The following SPAG17 variants were observed in gnomAD, a reference collection of about 807,000 sequenced individuals.
SPAG17 encodes the protein sperm-associated antigen 17.
A neutral mutation model predicts 273.6 loss-of-function variants in SPAG17; 169 were observed. The ratio of observed to expected loss-of-function variants is 0.62; its 90% CI spans 0.55 to 0.70. The LOEUF is 0.70. SPAG17 is among the 30% of genes least tolerant of loss of function. The pLI is 0.00. For missense variants in SPAG17, 2,557 were observed against 2,627.8 expected, an observed-to-expected ratio of 0.97 and a Z score of 0.59; for synonymous variants, 825 against 873.2, an observed-to-expected ratio of 0.94 and a Z score of 0.97.
chr1:117,959,522 G>A, intron 48 of SPAG17: 4 of 1,407,268 alleles, frequency 2.8e-6, no homozygotes, highest in Non-Finnish European at 3.8e-6. Context: ...AGAAGAGTTG[G>A]CGTCATCTTA....
intron 20 of SPAG17, among the ~76,000 whole-genome samples, chr1:118,051,317 A>C (rs1650978394): frequency 6.6e-6 from 1 of 152,172 alleles, no homozygotes; most frequent in African/African-American, 2.4e-5. Flanking sequence ...TACAGCCACT[A>C]TTGAAAGCAG....
intron 48 of SPAG17, among the ~76,000 whole-genome samples, chr1:117,956,159 T>C (rs74809852): frequency 0.026 from 3,886 of 152,264 alleles, 161 homozygotes; most frequent in African/African-American, 0.087. Context: ...CTCTTTTTGC[T>C]CTTAAGTATT....
At position 118,026,359 on chromosome 1, in the gene SPAG17, T is replaced by A. The variant is rs147165067; in HGVS notation, c.3731-943A>T. Among the ~76,000 whole-genome samples, 1,350 of 152,274 alleles carry A rather than the reference T, an allele frequency of 8.9e-3. 9 individuals are homozygous for A. The highest frequency in any genetic ancestry group is 0.02 in the Middle Eastern group (6 of 294). ...TGCTAACTGAATAAATTCCTCTTAA[T>A]TTATAATGTGGTTTATTGGGGCCAA... On this transcript the variant is annotated intron_variant, in intron 26 of 48. Coordinates refer to ENST00000336338, the MANE Select transcript of SPAG17 (RefSeq NM_206996.4).
intron 3 of SPAG17, among the ~76,000 whole-genome samples, chr1:118,120,361 T>A (rs1197193619): frequency 6.6e-6 from 1 of 152,180 alleles, no homozygotes; most frequent in Non-Finnish European, 1.5e-5. Flanking sequence ...AAGTGGCTAG[T>A]GGCTACTGTT....
At chr1:118,042,177 G>A (rs1260015236) in intron 20 of SPAG17, 135 bp from the exon 21 acceptor site, 11 of 1,038,274 alleles carry the variant, frequency 1.1e-5, no homozygotes, top group Non-Finnish European at 1.4e-5. Context: ...TGAACTAGAA[G>A]CCTTGACGTC....
chr1:117,976,133 G>C (rs560105023), intron 43 of SPAG17, among the ~76,000 whole-genome samples: 1 of 152,128 alleles, frequency 6.6e-6, no homozygotes, highest in Non-Finnish European at 1.5e-5. Flanking sequence ...TCTTAGCTCT[G>C]CTCTATACTA....
At chr1:118,147,311 G>A (rs1488041148) in intron 3 of SPAG17, among the ~76,000 whole-genome samples, 1 of 152,096 alleles carries the variant, frequency 6.6e-6, no homozygotes, top group East Asian at 1.9e-4. Context: ...TATAATGCAG[G>A]CAATAAGCGT....
intron 45 of SPAG17, among the ~76,000 whole-genome samples, chr1:117,971,567 C>T (rs993203082): frequency 6.6e-6 from 1 of 152,166 alleles, no homozygotes; most frequent in Non-Finnish European, 1.5e-5. Context: ...TGTACAACCT[C>T]CCCCTTTTTT....
chr1:117,991,383 T>C (rs1657053724), intron 37 of SPAG17, 32 bp downstream of exon 37: 1 of 1,266,938 alleles, frequency 7.9e-7, no homozygotes, highest in East Asian at 2.5e-5. Flanking sequence ...GAAACAATAG[T>C]AAGAACATGG....
chr1:117,977,680 T>C (rs1388746396), intron 43 of SPAG17, among the ~76,000 whole-genome samples: 1 of 152,222 alleles, frequency 6.6e-6, no homozygotes, highest in Non-Finnish European at 1.5e-5. Flanking sequence ...TGGAGTCATA[T>C]TATTGTCCCT....
In SPAG17 at chr1:118,099,781, A is replaced by T; in HGVS notation, c.654T>A (p.Gly218=). ...CCACAACTATAATGTAATGTTGGGC[A>T]CCATCATCTGGCTCATCGTCTGTTC... The part of the protein sequence containing the change: ...NRYIDDEPDD[G]AQHYIIVVGF... The change falls in exon 6 of 49, where the codon GGT becomes GGA. Residue 218 remains glycine, a synonymous_variant. Coordinates refer to ENST00000336338, the MANE Select transcript of SPAG17 (RefSeq NM_206996.4). 1 of 1,612,556 alleles carries T rather than the reference A, an allele frequency of 6.2e-7. No homozygotes were observed. Among genetic ancestry groups the T allele is most frequent in the Non-Finnish European group, 8.5e-7 (1 of 1,179,820 alleles).
intron 17 of SPAG17, among the ~76,000 whole-genome samples, chr1:118,073,593 T>C (rs1184300919): frequency 6.6e-6 from 1 of 152,226 alleles, no homozygotes; most frequent in Admixed American, 6.5e-5. Flanking sequence ...AATATATATA[T>C]GCAGCAGTCT....
At chr1:118,145,759 A>G (rs1484163781) in intron 3 of SPAG17, among the ~76,000 whole-genome samples, 1 of 152,180 alleles carries the variant, frequency 6.6e-6, no homozygotes, top group Admixed American at 6.5e-5. Flanking sequence ...AAATTGCACC[A>G]TATCACATAA....
intron 1 of SPAG17, among the ~76,000 whole-genome samples, chr1:118,173,742 G>A (rs1390196921): frequency 1.3e-5 from 2 of 151,820 alleles, no homozygotes; most frequent in Non-Finnish European, 2.9e-5. Context: ...TATACCTGTG[G>A]TCCCAGCTAC....
chr1:118,136,190 A>G (rs1658343874), intron 3 of SPAG17, among the ~76,000 whole-genome samples: 1 of 152,212 alleles, frequency 6.6e-6, no homozygotes, highest in Non-Finnish European at 1.5e-5. Context: ...TCCAGCAAAG[A>G]GCATTGCCTG....
intron 3 of SPAG17, among the ~76,000 whole-genome samples, chr1:118,150,078 C>G (rs1207206187): frequency 6.6e-6 from 1 of 152,156 alleles, no homozygotes; most frequent in Admixed American, 6.6e-5. Flanking sequence ...GCACCAAGTT[C>G]ACAAACTGAT....
intron 32 of SPAG17, 126 bp from the exon 33 acceptor site, chr1:117,996,869 C>A (rs1657717781): frequency 1.0e-6 from 1 of 971,780 alleles, no homozygotes; most frequent in Non-Finnish European, 1.5e-6. Context: ...TGTTTATTTG[C>A]AAGGTATTGT....
chr1:117,981,555 C>G (rs1459027221), intron 42 of SPAG17, among the ~76,000 whole-genome samples, 154 bp from the exon 43 acceptor site: 1 of 152,122 alleles, frequency 6.6e-6, no homozygotes. Flanking sequence ...TATAAGAAAG[C>G]CATTAAGAGG....
intron 17 of SPAG17, among the ~76,000 whole-genome samples, chr1:118,071,893 G>C (rs111521853): frequency 1.3e-5 from 2 of 152,106 alleles, no homozygotes; most frequent in Non-Finnish European, 2.9e-5. Context: ...AGAAAATGGA[G>C]AGGAGAGATT....
Sources: gnomAD v4.1 joint callset for allele counts (sites outside exome capture counted in the v4.1 genomes callset) on GRCh38, gnomAD v4.1.1 for gene constraint, MANE v1.5 for transcripts, NCBI Gene and HGNC (gene_info 2026-07-23, HGNC 2026-07-21) for gene names.